ERCC6: variants seen among roughly 807,000 people sequenced by gnomAD.
The protein encoded by ERCC6 is DNA excision repair protein ERCC-6.
Under a neutral mutation model 158.7 loss-of-function variants are expected in ERCC6, and 116 were observed. The ratio of observed to expected loss-of-function variants is 0.73; its 90% CI spans 0.63 to 0.85. ERCC6 has a LOEUF of 0.85. ERCC6 is among the 40% of genes least tolerant of loss of function. ERCC6 has a pLI of 0.00. For synonymous variants in ERCC6, 678 were observed against 659.3 expected, an observed-to-expected ratio of 1.03 and a Z score of -0.43; for missense variants, 1,698 against 1,799.4, an observed-to-expected ratio of 0.94 and a Z score of 1.02.
chr10:49,473,585 C>A lies in ERCC6; in HGVS notation c.2601G>T (p.Met867Ile), dbSNP rs761558075. 9.5e-6 allele frequency: 15 copies of A among 1,584,070 alleles called. No homozygotes were observed. The Admixed American group carries it at 2.5e-4, about 26-fold the overall frequency. ...RVLLFSQSRQ[M>I]LDILEVFLRA... ...TAAGGAATACTTCAAGTATGTCCAG[C>A]ATCTGTTTGGAGGTGGGGGATAGGA... The change falls in exon 14 of 21, where the codon ATG (methionine) becomes ATT (isoleucine). Residue 867 changes from methionine (M) to isoleucine (I), a missense_variant and splice_region_variant. By Grantham distance (10) the Met-to-Ile change is conservative. Coordinates refer to ENST00000355832, the MANE Select transcript of ERCC6 (RefSeq NM_000124.4).
chr10:49,538,226 G>A (rs1265194264), intron 1 of ERCC6, among the ~76,000 whole-genome samples: 2 of 152,224 alleles, frequency 1.3e-5, no homozygotes, highest in Non-Finnish European at 2.9e-5. Flanking sequence ...GGTCTCATTT[G>A]GAGGGTTGGT....
At chr10:49,536,674 G>A (rs933249138) in intron 1 of ERCC6, among the ~76,000 whole-genome samples, 8 of 152,276 alleles carry the variant, frequency 5.3e-5, no homozygotes, top group Non-Finnish European at 1.2e-4. Flanking sequence ...TTGCTGTGGA[G>A]GACCTACCTG....
At chr10:49,442,595 G>A in the ERCC6 span, among the ~76,000 whole-genome samples, 2 of 152,186 alleles carry the variant, frequency 1.3e-5, no homozygotes, top group Non-Finnish European at 2.9e-5. Context: ...AATCTCCGTG[G>A]AAGCTGATGC....
At chr10:49,515,488 T>C (rs760984582) in intron 5 of ERCC6, 1 of 1,614,188 alleles carries the variant, frequency 6.2e-7, no homozygotes, top group Non-Finnish European at 8.5e-7. Flanking sequence ...GAGTCAATGT[T>C]ACGCTTCTGA....
chr10:49,514,578 A>G (rs964200977), intron 5 of ERCC6, among the ~76,000 whole-genome samples: 14 of 152,022 alleles, frequency 9.2e-5, no homozygotes, highest in Non-Finnish European at 2.9e-5. Context: ...TACACAGAGC[A>G]GTTTAAATCT....
At chr10:49,497,881 T>C (rs1851292905) in intron 7 of ERCC6, among the ~76,000 whole-genome samples, 1 of 152,290 alleles carries the variant, frequency 6.6e-6, no homozygotes, top group African/African-American at 2.4e-5. Context: ...TACCCAGAAC[T>C]TACCAGGAAC....
At chr10:49,521,643 G>T (rs1200212188) in intron 5 of ERCC6, among the ~76,000 whole-genome samples, 1 of 152,192 alleles carries the variant, frequency 6.6e-6, no homozygotes, top group Non-Finnish European at 1.5e-5. Context: ...ACATGAAAGG[G>T]TATGAAAACC....
the ERCC6 span, among the ~76,000 whole-genome samples, chr10:49,436,696 G>A: frequency 1.3e-5 from 2 of 152,208 alleles, no homozygotes; most frequent in South Asian, 4.1e-4. Flanking sequence ...AAGTGTAATA[G>A]TTGGCACAAT....
the ERCC6 span, among the ~76,000 whole-genome samples, chr10:49,442,309 C>G: frequency 6.6e-6 from 1 of 152,202 alleles, no homozygotes; most frequent in Non-Finnish European, 1.5e-5. Context: ...GAGTGGGGAC[C>G]CATGCCCAGG....
downstream of ERCC6, among the ~76,000 whole-genome samples, chr10:49,452,511 T>C (rs1850431449): frequency 6.6e-6 from 1 of 152,150 alleles, no homozygotes; most frequent in African/African-American, 2.4e-5. Context: ...ATAAGGCCTA[T>C]CCTGAAGAAT....
At chr10:49,516,344 G>A (rs762581693) in intron 5 of ERCC6, 2 of 1,614,092 alleles carry the variant, frequency 1.2e-6, no homozygotes. Context: ...CAAATTTCAT[G>A]CATCTCTCAT....
At chr10:49,503,408 CT>C (rs1323136802) in intron 6 of ERCC6, 1 of 152,096 alleles carries the variant, frequency 6.6e-6, no homozygotes, top group Non-Finnish European at 1.5e-5. Flanking sequence ...TAAAAAAAAT[CT>C]TACTAGGCAG....
chr10:49,480,609 A>T (rs912470), intron 10 of ERCC6, among the ~76,000 whole-genome samples: 1 of 152,174 alleles, frequency 6.6e-6, no homozygotes, highest in Admixed American at 6.5e-5. Flanking sequence ...GTTCTCAAAT[A>T]ATTTTTCTAT....
chr10:49,493,584 G>C (rs1157302819), intron 7 of ERCC6, among the ~76,000 whole-genome samples: 1 of 152,140 alleles, frequency 6.6e-6, no homozygotes, highest in East Asian at 1.9e-4. Flanking sequence ...ACAGATTAGT[G>C]AAGTTTTTAT....
At chr10:49,440,540 G>A in the ERCC6 span, among the ~76,000 whole-genome samples, 2 of 152,148 alleles carry the variant, frequency 1.3e-5, no homozygotes, top group Non-Finnish European at 2.9e-5. Context: ...AAAGGAACTG[G>A]GGTGGCTAAT....
In ERCC6 at chr10:49,473,499, G is replaced by A. The variant is rs757810107; in HGVS notation, c.2687C>T (p.Pro896Leu). The part of the protein sequence containing the change: ...DGTTTIASRQ[P>L]LITRYNEDTS... ...TACCTCATTGTATCTCGTAATCAGTGGCTGTCTTGAAGCTATTGTAGTGGT... is the reference window on the plus strand; with the variant it reads ...TACCTCATTGTATCTCGTAATCAGTAGCTGTCTTGAAGCTATTGTAGTGGT... The change falls in exon 14 of 21, where the codon CCA (proline) becomes CTA (leucine). Residue 896 changes from proline (P) to leucine (L), a missense_variant. Pro to Leu is a moderately conservative substitution (Grantham distance 98). Transcript: ENST00000355832. 89 of 1,609,330 alleles carry A rather than the reference G, an allele frequency of 5.5e-5. No individual in the cohort carries two copies. The highest frequency in any genetic ancestry group is 7.5e-5 in the Non-Finnish European group (88 of 1,175,758).
chr10:49,482,936 C>T (rs1851006464), intron 9 of ERCC6, 73 bp from the exon 10 acceptor site: 3 of 1,487,370 alleles, frequency 2.0e-6, no homozygotes, highest in African/African-American at 2.8e-5. Flanking sequence ...CTAAAACGCT[C>T]CTCTGCAAAT....
chr10:49,535,782 A>C (rs1384784710), intron 1 of ERCC6, among the ~76,000 whole-genome samples: 1 of 152,156 alleles, frequency 6.6e-6, no homozygotes, highest in African/African-American at 2.4e-5. Flanking sequence ...GTGAATGAGA[A>C]AAGGCTGAGT....
intron 5 of ERCC6, among the ~76,000 whole-genome samples, chr10:49,508,786 G>A (rs1251257519): frequency 6.6e-6 from 1 of 152,126 alleles, no homozygotes; most frequent in Non-Finnish European, 1.5e-5. Context: ...CACTGAAGCA[G>A]CACAGCTAAA....
Sources: gnomAD v4.1 joint callset for allele counts (sites outside exome capture counted in the v4.1 genomes callset) on GRCh38, gnomAD v4.1.1 for gene constraint, MANE v1.5 for transcripts, NCBI Gene and HGNC (gene_info 2026-07-23, HGNC 2026-07-21) for gene names.